CADM1: variants seen among roughly 807,000 people sequenced by gnomAD.
CADM1 encodes TSLC-1.
A neutral mutation model predicts 53.1 loss-of-function variants in CADM1; 15 were observed. The ratio of observed to expected loss-of-function variants is 0.28; its 90% CI spans 0.19 to 0.44. The LOEUF (loss-of-function observed/expected upper bound fraction) is 0.44, where lower values mean the gene tolerates loss of function less well. Ranked by LOEUF, CADM1 falls within the 20% of genes least tolerant of loss-of-function variation. The pLI, the probability that CADM1 is intolerant of heterozygous loss-of-function variation, is 1.00. For synonymous variants in CADM1, 281 were observed against 243.0 expected (o/e 1.16, Z -1.45); for missense variants, 434 against 611.3 (o/e 0.71, Z 3.06).
intron 1 of CADM1, among the ~76,000 whole-genome samples, chr11:115,492,144 T>A (rs1221141075): frequency 3.3e-5 from 5 of 152,026 alleles, no homozygotes; most frequent in Non-Finnish European, 7.4e-5. Flanking sequence ...TAAAGTAAAA[T>A]ACAGCCAAAT....
chr11:115,423,980 T>G (rs1048195124), intron 1 of CADM1, among the ~76,000 whole-genome samples: 1 of 152,222 alleles, frequency 6.6e-6, no homozygotes, highest in African/African-American at 2.4e-5. Flanking sequence ...CGTTTCCATC[T>G]TGTTTGCTCT....
chr11:115,319,148 A>T (rs1486184512), intron 1 of CADM1, among the ~76,000 whole-genome samples: 1 of 152,150 alleles, frequency 6.6e-6, no homozygotes, highest in Non-Finnish European at 1.5e-5. Context: ...TGTCCTTGGT[A>T]ACAGAACCCC....
Position 115,217,938 on chromosome 11 carries a change from C to T in CADM1, c.775G>A (p.Glu259Lys), listed in dbSNP as rs761139136. 6.2e-7 allele frequency: 1 copy of T among 1,613,704 alleles called. No homozygotes were observed. ...MTYPLQGLTR[E>K]GDALELTCEA... ...CATGTTAACTCAAGCGCGTCCCCTT[C>T]CCGGGTTAAGCCTTGTAGAGGATAA... The change falls in exon 6 of 12, where the codon GAA (glutamate) becomes AAA (lysine). Residue 259 changes from glutamate to lysine, a missense_variant. Glu to Lys is a moderately conservative substitution (Grantham distance 56, BLOSUM62 1). Coordinates refer to ENST00000331581, the MANE Select transcript of CADM1 (RefSeq NM_001301043.2).
intron 1 of CADM1, among the ~76,000 whole-genome samples, chr11:115,426,373 G>C (rs1010499422): frequency 6.6e-6 from 1 of 152,126 alleles, no homozygotes; most frequent in Non-Finnish European, 1.5e-5. Context: ...GATTTCAGTC[G>C]CTTCCATGTC....
At chr11:115,323,111 G>A (rs1944866211) in intron 1 of CADM1, among the ~76,000 whole-genome samples, 1 of 152,170 alleles carries the variant, frequency 6.6e-6, no homozygotes, top group African/African-American at 2.4e-5. Flanking sequence ...TTGTCTTCTT[G>A]TTAAATTCTA....
intron 1 of CADM1, among the ~76,000 whole-genome samples, chr11:115,369,478 C>A (rs1011221390): frequency 6.6e-6 from 1 of 152,034 alleles, no homozygotes; most frequent in Non-Finnish European, 1.5e-5. Context: ...AAAACATAGT[C>A]ACAGTTTTAT....
At chr11:115,254,549 A>AAC (rs58261564) in intron 1 of CADM1, among the ~76,000 whole-genome samples, 11,540 of 134,722 alleles carry the variant, frequency 0.086, 443 homozygotes, top group Admixed American at 0.13. Flanking sequence ...AAGGGAGACA[A>AAC]ACACACACAC....
intron 1 of CADM1, among the ~76,000 whole-genome samples, chr11:115,308,979 G>A (rs1944463954): frequency 1.3e-5 from 2 of 152,084 alleles, no homozygotes; most frequent in African/African-American, 4.8e-5. Context: ...AAAAGGTAGA[G>A]ATTTGCTTCT....
chr11:115,350,989 T>C (rs1466489967), intron 1 of CADM1, among the ~76,000 whole-genome samples: 1 of 151,952 alleles, frequency 6.6e-6, no homozygotes, highest in African/African-American at 2.4e-5. Context: ...ATTAGTTGTG[T>C]TTCCAGTGTA....
Position 115,214,780 on chromosome 11 carries a change from C to G in CADM1, c.822G>C (p.Gln274His), listed in dbSNP as rs1941107080. 1 of 1,613,728 alleles carries G rather than the reference C, an allele frequency of 6.2e-7. No individual in the cohort carries two copies. Residue 274 changes from glutamine to histidine, a missense_variant and splice_region_variant, in exon 7 of 12, where the codon CAG becomes CAC. Physicochemically the swap from Gln to His is conservative, Grantham distance 24. This residue lies in a region of CADM1 where 311 missense variants were observed against 435.1 expected (regional missense o/e 0.71). Coordinates refer to ENST00000331581, the MANE Select transcript of CADM1 (RefSeq NM_001301043.2). Reference sequence around the variant, plus strand: ...CTCTCACCCAAGTTACCATCACAGGCCTGCAGGGGGAAGGGGAGGAAGACA... The same window carrying G: ...CTCTCACCCAAGTTACCATCACAGGGCTGCAGGGGGAAGGGGAGGAAGACA... ...ELTCEAIGKP[Q>H]PVMVTWVRVD... is the part of the protein sequence containing the mutation.
intron 11 of CADM1, among the ~76,000 whole-genome samples, chr11:115,177,817 G>A (rs1237643757): frequency 6.6e-6 from 1 of 152,134 alleles, no homozygotes; most frequent in African/African-American, 2.4e-5. Flanking sequence ...AGGTGCCTAA[G>A]TACCTTAGAC....
intron 1 of CADM1, among the ~76,000 whole-genome samples, chr11:115,324,664 T>C (rs980846037): frequency 6.6e-6 from 1 of 152,124 alleles, no homozygotes; most frequent in Non-Finnish European, 1.5e-5. Flanking sequence ...TACTATATGA[T>C]GAACAAGTGA....
At chr11:115,364,253 T>C (rs1946101727) in intron 1 of CADM1, among the ~76,000 whole-genome samples, 1 of 152,216 alleles carries the variant, frequency 6.6e-6, no homozygotes, top group Non-Finnish European at 1.5e-5. Context: ...TATGCTTCTA[T>C]AAACCTCTTT....
intron 8 of CADM1, among the ~76,000 whole-genome samples, chr11:115,204,101 T>C (rs1269385504): frequency 6.6e-6 from 1 of 152,146 alleles, no homozygotes; most frequent in Non-Finnish European, 1.5e-5. Flanking sequence ...AAAAAGGCAA[T>C]TTAGTAAACA....
chr11:115,448,178 T>C (rs138160880), intron 1 of CADM1, among the ~76,000 whole-genome samples: 98 of 152,290 alleles, frequency 6.4e-4, no homozygotes, highest in African/African-American at 2.2e-3. Flanking sequence ...AATGATTGAG[T>C]ACCTCTCATC....
intron 5 of CADM1, 163 bp from the exon 6 acceptor site, chr11:115,218,154 A>G: frequency 1.5e-6 from 1 of 656,034 alleles, no homozygotes; most frequent in Non-Finnish European, 2.8e-6. Context: ...CATTTGCTCA[A>G]ATTAAATTGA....
intron 1 of CADM1, among the ~76,000 whole-genome samples, chr11:115,473,185 A>G (rs1389023138): frequency 7.2e-5 from 11 of 152,236 alleles, no homozygotes; most frequent in Admixed American, 3.3e-4. Context: ...CAGGCCGGGC[A>G]TGATGGCTCA....
intron 4 of CADM1, among the ~76,000 whole-genome samples, 197 bp from the exon 5 acceptor site, chr11:115,229,468 G>A (rs1941741205): frequency 6.6e-6 from 1 of 152,038 alleles, no homozygotes; most frequent in South Asian, 2.1e-4. Flanking sequence ...TTTCAACCAG[G>A]CAGCATAGTA....
chr11:115,290,701 A>T (rs1008541667), intron 1 of CADM1, among the ~76,000 whole-genome samples: 4 of 152,224 alleles, frequency 2.6e-5, no homozygotes, highest in Admixed American at 6.5e-5. Flanking sequence ...TAAAAGGAGG[A>T]AATTAGAACA....
Sources: allele counts gnomAD v4.1 joint callset (sites outside exome capture counted in the v4.1 genomes callset), GRCh38; gene constraint gnomAD v4.1.1; regional missense constraint gnomAD v4.1.1; transcripts MANE v1.5; gene names NCBI Gene and HGNC (gene_info 2026-07-23, HGNC 2026-07-21).